Variants in HPCAL1 observed in about 807,000 individuals in gnomAD.
HPCAL1 encodes the protein hippocalcin like 1.
Under a neutral mutation model 17.1 loss-of-function variants are expected in HPCAL1, and 8 were observed. That is an observed-to-expected ratio of 0.47 (90% CI 0.27 to 0.84). The LOEUF (loss-of-function observed/expected upper bound fraction) is 0.84, where lower values mean the gene tolerates loss of function less well. Ranked by LOEUF, HPCAL1 falls within the 40% of genes least tolerant of loss-of-function variation. HPCAL1 has a pLI of 0.13. For missense variants in HPCAL1, 165 were observed against 271.1 expected (o/e 0.61, Z 2.75); for synonymous variants, 112 against 111.4 (o/e 1.01, Z -0.03).
chr2:10,358,038 C>T (rs551334934), intron 1 of HPCAL1, among the ~76,000 whole-genome samples: 5 of 152,332 alleles, frequency 3.3e-5, no homozygotes, highest in South Asian at 4.1e-4. Context: ...ACCACGGCCC[C>T]GTGCTGTATA....
chr2:10,387,429 TCA>T (rs1668389721), intron 1 of HPCAL1, among the ~76,000 whole-genome samples: 2 of 152,148 alleles, frequency 1.3e-5, no homozygotes, highest in Non-Finnish European at 2.9e-5. Context: ...CCCCACCCTC[TCA>T]CCCCCACAGC....
rs551689475 is a variant in HPCAL1 at position 10,338,791 on chromosome 2, G to A, written c.-111+35614G>A. Among the ~76,000 whole-genome samples, 7 of 152,304 alleles carry A rather than the reference G, an allele frequency of 4.6e-5. No individual in the cohort carries two copies. The East Asian group carries it at 1.2e-3, about 25-fold the overall frequency. ...CAAAGTGTCCAGGAGAGGTGGCGTCGCCTCCACTTGATAGAGGAAAAAGCA... is the reference window on the plus strand; with the variant it reads ...CAAAGTGTCCAGGAGAGGTGGCGTCACCTCCACTTGATAGAGGAAAAAGCA... On this transcript the variant is annotated intron_variant, in intron 1 of 4. Transcript: ENST00000307845.
rs570833498 is a variant in HPCAL1 at position 10,398,029 on chromosome 2, C to T, written c.-25+1109C>T. 2.6e-5 allele frequency among the ~76,000 whole-genome samples: 4 copies of T among 152,290 alleles called. No homozygotes were observed. In the East Asian group the frequency reaches 7.7e-4, roughly 29 times the overall value. ...AGGACCTGGCTGCCCCACAGCTCCT[C>T]CTCTCTCTCCCTCCTCCCTCTCATG... On this transcript the variant is annotated intron_variant, in intron 2 of 4. Coordinates refer to ENST00000307845, the MANE Select transcript of HPCAL1 (RefSeq NM_002149.4).
intron 1 of HPCAL1, among the ~76,000 whole-genome samples, chr2:10,333,138 C>T (rs1440004326): frequency 6.6e-6 from 1 of 152,200 alleles, no homozygotes; most frequent in Non-Finnish European, 1.5e-5. Flanking sequence ...CTTTAATCAG[C>T]CTCTTGGGCA....
chr2:10,387,129 G>A (rs915627503), intron 1 of HPCAL1, among the ~76,000 whole-genome samples: 3 of 152,250 alleles, frequency 2.0e-5, no homozygotes, highest in African/African-American at 7.2e-5. Context: ...AGGAGCAGGT[G>A]GAACAGGATG....
At chr2:10,412,928 G>T (rs1489293296) in intron 2 of HPCAL1, among the ~76,000 whole-genome samples, 1 of 152,098 alleles carries the variant, frequency 6.6e-6, no homozygotes, top group African/African-American at 2.4e-5. Flanking sequence ...TGTTCTCCTT[G>T]TTGGGGTGGG....
chr2:10,401,880 A>G (rs1669632623), intron 2 of HPCAL1, among the ~76,000 whole-genome samples: 1 of 152,184 alleles, frequency 6.6e-6, no homozygotes. Flanking sequence ...GGCTCAGAGC[A>G]GGAACTGAAG....
At chr2:10,352,443 CTCTCT>C (rs1210550437) in intron 1 of HPCAL1, among the ~76,000 whole-genome samples, 1 of 152,212 alleles carries the variant, frequency 6.6e-6, no homozygotes, top group Non-Finnish European at 1.5e-5. Flanking sequence ...TTAAATCTCT[CTCTCT>C]TAAGAACTGA....
chr2:10,324,174 A>C (rs529938255), intron 1 of HPCAL1, among the ~76,000 whole-genome samples: 2 of 152,390 alleles, frequency 1.3e-5, no homozygotes, highest in African/African-American at 4.8e-5. Context: ...AAAATAAATT[A>C]AATGCAAATA....
intron 1 of HPCAL1, among the ~76,000 whole-genome samples, chr2:10,389,959 A>T (rs1331737097): frequency 6.6e-6 from 1 of 152,232 alleles, no homozygotes; most frequent in East Asian, 1.9e-4. Context: ...TAAATATGCC[A>T]GTTTTTCAAA....
Position 10,377,031 on chromosome 2 carries a change from A to G in HPCAL1, c.-110-19804A>G, listed in dbSNP as rs533866559. Among the ~76,000 whole-genome samples, 2 of 151,846 alleles carry G rather than the reference A, an allele frequency of 1.3e-5. No homozygotes were observed. Among genetic ancestry groups the G allele is most frequent in the African/African-American group, 4.8e-5 (2 of 41,316 alleles). ...GTGTGTAGTACAATACATGTATGTA[A>G]TACAATACATACTGTATTGTATTAA... On this transcript the variant is annotated intron_variant, in intron 1 of 4. Coordinates refer to ENST00000307845, the MANE Select transcript of HPCAL1 (RefSeq NM_002149.4). The surrounding 1 kb of genome is among the most constrained non-coding windows in gnomAD (Gnocchi z 5.9).
chr2:10,326,078 G>T (rs1663994521), intron 1 of HPCAL1, among the ~76,000 whole-genome samples: 1 of 152,238 alleles, frequency 6.6e-6, no homozygotes, highest in African/African-American at 2.4e-5. Context: ...TGTTCGTCAG[G>T]CCTGTCCGTC....
At chr2:10,400,759 C>A (rs985481575) in intron 2 of HPCAL1, among the ~76,000 whole-genome samples, 8 of 145,596 alleles carry the variant, frequency 5.5e-5, no homozygotes, top group Non-Finnish European at 3.0e-5. Flanking sequence ...ACGTACACAC[C>A]CACATGCACA....
chr2:10,329,481 T>A (rs1257257029), intron 1 of HPCAL1, among the ~76,000 whole-genome samples: 3 of 152,132 alleles, frequency 2.0e-5, no homozygotes, highest in Non-Finnish European at 4.4e-5. Context: ...CAGGAATGGC[T>A]TTGAGCCAGA....
intron 1 of HPCAL1, among the ~76,000 whole-genome samples, chr2:10,320,829 C>T (rs1022742511): frequency 6.6e-6 from 1 of 152,216 alleles, no homozygotes; most frequent in East Asian, 1.9e-4. Context: ...GGCAGAAGAC[C>T]TGCCCGCTCA....
At chr2:10,417,845 T>C (rs6730996) in intron 2 of HPCAL1, among the ~76,000 whole-genome samples, 97,623 of 151,288 alleles carry the variant, frequency 0.65, 33,052 homozygotes, top group African/African-American at 0.85. Flanking sequence ...AGCTTGAGAC[T>C]GGCCTGGGCA....
At chr2:10,311,240 G>A (rs1468436081) in intron 1 of HPCAL1, among the ~76,000 whole-genome samples, 1 of 152,158 alleles carries the variant, frequency 6.6e-6, no homozygotes, top group Non-Finnish European at 1.5e-5. Context: ...GCCCGTGCTG[G>A]TGATGCAGCC....
At chr2:10,366,710 C>T (rs1666877456) in intron 1 of HPCAL1, among the ~76,000 whole-genome samples, 1 of 152,216 alleles carries the variant, frequency 6.6e-6, no homozygotes. Context: ...TCTCTGGCAC[C>T]TGCCCCGGCT....
chr2:10,315,177 C>T (rs1663236612), intron 1 of HPCAL1, among the ~76,000 whole-genome samples: 1 of 151,910 alleles, frequency 6.6e-6, no homozygotes, highest in African/African-American at 2.4e-5. Context: ...CCTGTAGTCC[C>T]AGCTACACGG....
Sources: gnomAD v4.1 joint callset for allele counts (sites outside exome capture counted in the v4.1 genomes callset) on GRCh38, gnomAD v4.1.1 for gene constraint, Gnocchi (gnomAD v3.1) non-coding constraint, MANE v1.5 for transcripts, NCBI Gene and HGNC (gene_info 2026-07-23, HGNC 2026-07-21) for gene names.